The following LYRM4 variants were observed in gnomAD, a reference collection of about 807,000 sequenced individuals.
LYRM4 encodes LYR motif-containing protein 4.
In LYRM4, 9 loss-of-function variants were observed where a neutral mutation model predicts 11.7. The observed-to-expected ratio is 0.77, with a 90% CI of 0.46 to 1.34. The LOEUF is 1.34. Among genes scored for constraint, LYRM4 ranks in the 40% most tolerant of loss-of-function variants. The probability of loss-of-function intolerance (pLI) is 0.00; values close to 1 mark genes in which losing one functional copy is unlikely to be tolerated. For missense variants in LYRM4, 133 were observed against 112.5 expected, an observed-to-expected ratio of 1.18 and a Z score of -0.82; for synonymous variants, 42 against 40.4, an observed-to-expected ratio of 1.04 and a Z score of -0.15.
intron 2 of LYRM4, among the ~76,000 whole-genome samples, chr6:5,149,888 G>A (rs989031367): frequency 6.6e-6 from 1 of 152,166 alleles, no homozygotes; most frequent in Non-Finnish European, 1.5e-5. Context: ...ATGGTACTAC[G>A]TTTGTTACAC....
intron 1 of LYRM4, among the ~76,000 whole-genome samples, chr6:5,244,647 G>C (rs933209032): frequency 6.6e-6 from 1 of 152,072 alleles, no homozygotes; most frequent in African/African-American, 2.4e-5. Context: ...ACCTAGCTTG[G>C]GATAGAGGGT....
At chr6:5,076,973 A>C in the LYRM4 span, among the ~76,000 whole-genome samples, 1 of 152,192 alleles carries the variant, frequency 6.6e-6, no homozygotes, top group East Asian at 1.9e-4. Context: ...CATATCTTCT[A>C]CTTTCTCTTG....
chr6:5,204,311 G>A (rs979948893), intron 2 of LYRM4, among the ~76,000 whole-genome samples: 1 of 152,168 alleles, frequency 6.6e-6, no homozygotes, highest in African/African-American at 2.4e-5. Context: ...GAATACTCTA[G>A]TTTCCTTGGC....
intron 2 of LYRM4, among the ~76,000 whole-genome samples, chr6:5,130,248 G>A (rs577839329): frequency 1.3e-5 from 2 of 152,348 alleles, no homozygotes; most frequent in East Asian, 1.9e-4. Flanking sequence ...GCAGGGCCTG[G>A]AGGCCAACGC....
chr6:5,085,027 G>A, the LYRM4 span: 2 of 168,284 alleles, frequency 1.2e-5, no homozygotes, highest in Non-Finnish European at 2.5e-5. Flanking sequence ...TCTGAAGGTT[G>A]AGCGCGAGCT....
At chr6:5,134,861 C>T (rs1024524472) in intron 2 of LYRM4, among the ~76,000 whole-genome samples, 46 of 152,166 alleles carry the variant, frequency 3.0e-4, no homozygotes, top group Non-Finnish European at 7.3e-5. Context: ...ATCCCTATTC[C>T]TTCTCCTTCC....
At chr6:5,233,166 G>C (rs540668693) in intron 1 of LYRM4, among the ~76,000 whole-genome samples, 3 of 152,286 alleles carry the variant, frequency 2.0e-5, no homozygotes, top group East Asian at 3.9e-4. Flanking sequence ...TCCTGAGAGA[G>C]GGTCTCACCC....
the LYRM4 span, among the ~76,000 whole-genome samples, chr6:5,057,454 C>G: frequency 6.6e-6 from 1 of 152,102 alleles, no homozygotes; most frequent in Non-Finnish European, 1.5e-5. Context: ...TGGTGGCCCA[C>G]GCCTGTAATC....
chr6:5,224,714 C>A (rs570059387), intron 1 of LYRM4, among the ~76,000 whole-genome samples: 2 of 152,364 alleles, frequency 1.3e-5, no homozygotes, highest in African/African-American at 4.8e-5. Context: ...AATCCCAGCA[C>A]TCTGGGAGGC....
intron 1 of LYRM4, among the ~76,000 whole-genome samples, chr6:5,253,776 G>A (rs370426899): frequency 6.7e-6 from 1 of 150,306 alleles, no homozygotes; most frequent in African/African-American, 2.4e-5. Flanking sequence ...ATGGTCGTTC[G>A]ATCTGAAGCA....
intron 2 of LYRM4, among the ~76,000 whole-genome samples, chr6:5,135,062 C>T (rs192331787): frequency 0.016 from 692 of 44,472 alleles, 96 homozygotes; most frequent in South Asian, 0.053. Context: ...GGATCGCTCC[C>T]GGGACTGTGG....
the LYRM4 span, chr6:5,034,770 T>TTTTTTTTTTTTA: frequency 7.1e-6 from 1 of 141,104 alleles, no homozygotes; most frequent in Non-Finnish European, 1.5e-5. Flanking sequence ...TTTTTTTTTT[T>TTTTTTTTTTTTA]CAAAAAGCGT....
At chr6:5,150,014 A>G (rs1291886196) in intron 2 of LYRM4, among the ~76,000 whole-genome samples, 1 of 152,256 alleles carries the variant, frequency 6.6e-6, no homozygotes, top group Non-Finnish European at 1.5e-5. Flanking sequence ...GCACAGAAGC[A>G]GATGAACACA....
At position 5,260,917 on chromosome 6, in the gene LYRM4, C is replaced by G. The variant is rs1012047072; in HGVS notation, c.-184G>C. ...GGATCGCGGACGGCGCCAGGCGTCC[C>G]GCGCCGCTTCGGGGGCGGGCGCAGG... On this transcript the variant is annotated 5_prime_UTR_variant, in exon 1 of 3. Transcript: ENST00000330636. 5.1e-6 allele frequency: 7 copies of G among 1,366,226 alleles called. No homozygotes were observed. Among genetic ancestry groups the G allele is most frequent in the Admixed American group, 6.8e-5 (2 of 29,202 alleles). The allele number at this position is 1,366,226 out of a possible 1,614,324, so 84.6% of individuals were successfully genotyped here. A position where few individuals can be genotyped will look rare whatever the true frequency, so the allele number is the denominator to read the frequency against.
chr6:5,168,732 T>C (rs1759239170), intron 2 of LYRM4, among the ~76,000 whole-genome samples: 1 of 152,190 alleles, frequency 6.6e-6, no homozygotes, highest in Non-Finnish European at 1.5e-5. Flanking sequence ...TGGATAGTAT[T>C]ACTGCATCAT....
intron 2 of LYRM4, among the ~76,000 whole-genome samples, chr6:5,112,906 G>T (rs1263279592): frequency 6.6e-6 from 1 of 152,196 alleles, no homozygotes; most frequent in Non-Finnish European, 1.5e-5. Flanking sequence ...GATAGAGAAG[G>T]GTGAGGGTGA....
chr6:5,144,190 T>A, intron 2 of LYRM4: 1 of 1,536,880 alleles, frequency 6.5e-7, no homozygotes, highest in East Asian at 2.4e-5. Flanking sequence ...CAAGGCCAAC[T>A]TGTGCAGGGC....
chr6:5,233,503 T>A (rs1763364208), intron 1 of LYRM4, among the ~76,000 whole-genome samples: 1 of 152,190 alleles, frequency 6.6e-6, no homozygotes, highest in African/African-American at 2.4e-5. Flanking sequence ...CCCATTATAC[T>A]GTGGGAAATG....
the LYRM4 span, among the ~76,000 whole-genome samples, chr6:5,044,609 T>C: frequency 6.6e-6 from 1 of 152,310 alleles, no homozygotes; most frequent in Middle Eastern, 3.4e-3. Flanking sequence ...GGTTTCTTTT[T>C]TTCCTTCCTC....
Sources: gnomAD v4.1 joint callset for allele counts (sites outside exome capture counted in the v4.1 genomes callset) on GRCh38, gnomAD v4.1.1 for gene constraint, MANE v1.5 for transcripts, NCBI Gene and HGNC (gene_info 2026-07-23, HGNC 2026-07-21) for gene names.